CCDC9: variants seen among roughly 807,000 people sequenced by gnomAD.
CCDC9 encodes coiled-coil domain containing 9.
CCDC9 carries 52 observed loss-of-function variants against 65.6 expected under a neutral mutation model. That is an observed-to-expected ratio of 0.79 (90% CI 0.63 to 1.00). The LOEUF (loss-of-function observed/expected upper bound fraction) is 1.00. Among genes scored for constraint, CCDC9 ranks in the 50% least tolerant of loss-of-function variants. The pLI is 0.00. For synonymous variants in CCDC9, 332 were observed against 280.3 expected, an observed-to-expected ratio of 1.18 and a Z score of -1.84; for missense variants, 834 against 757.2, an observed-to-expected ratio of 1.10 and a Z score of -1.19.
At chr19:47,267,973 G>T (rs572887803) in intron 8 of CCDC9, among the ~76,000 whole-genome samples, 1 of 152,122 alleles carries the variant, frequency 6.6e-6, no homozygotes, top group Admixed American at 6.6e-5. Context: ...TCAGCCTCCT[G>T]AGTAGCTGGG....
chr19:47,271,129 C>A lies in CCDC9; in HGVS notation c.1133C>A (p.Ala378Asp), dbSNP rs920963923. 2 of 1,579,764 alleles carry A rather than the reference C, an allele frequency of 1.3e-6. No individual in the cohort carries two copies. Among genetic ancestry groups the A allele is most frequent in the Non-Finnish European group, 1.7e-6 (2 of 1,164,664 alleles). Residue 378 changes from alanine (A) to aspartate (D), a missense_variant, in exon 11 of 12, where the codon GCC becomes GAC. By Grantham distance (126) the Ala-to-Asp change is moderately radical. Coordinates refer to ENST00000221922, the MANE Select transcript of CCDC9 (RefSeq NM_015603.3). ...WETKEGAASP[A>D]PETPQPTSPE... ...ACAAAAGAAGGGGCAGCATCCCCAGCCCCTGAGACTCCACAGCCTACTTCC... is the reference window on the plus strand; with the variant it reads ...ACAAAAGAAGGGGCAGCATCCCCAGACCCTGAGACTCCACAGCCTACTTCC...
Position 47,271,160 on chromosome 19 carries a change from G to C in CCDC9, c.1164G>C (p.Glu388Asp). ...AGACTCCACAGCCTACTTCCCCCGA[G>C]ACTTCCCCCAAGGAGACACCCATGC... ...APETPQPTSPETSPKETPMQP... is the reference protein window; with the variant it reads ...APETPQPTSPDTSPKETPMQP... The change falls in exon 11 of 12, where the codon GAG (glutamate) becomes GAC (aspartate). Residue 388 changes from glutamate to aspartate, a missense_variant. Physicochemically the swap from Glu to Asp is conservative, Grantham distance 45. Transcript: ENST00000221922. 1 of 1,594,738 alleles carries C rather than the reference G, an allele frequency of 6.3e-7. No homozygotes were observed. The highest frequency in any genetic ancestry group is 1.1e-5 in the South Asian group (1 of 88,382).
At chr19:47,273,421 G>C (rs1470357466), downstream of CCDC9, 2 of 1,230,884 alleles carry the variant, frequency 1.6e-6, no homozygotes, top group African/African-American at 1.6e-5. Context: ...GTTTCTGCAA[G>C]GTGGTGGCGG....
chr19:47,273,732 C>T (rs1451945377), downstream of CCDC9: 2 of 357,036 alleles, frequency 5.6e-6, no homozygotes, highest in Non-Finnish European at 1.0e-5. Flanking sequence ...CCGAATCTCC[C>T]GCCTCCAGGA....
intron 1 of CCDC9, among the ~76,000 whole-genome samples, chr19:47,256,835 G>T (rs1466326410): frequency 1.3e-5 from 2 of 151,910 alleles, no homozygotes; most frequent in South Asian, 2.1e-4. Context: ...GCTGTGGGCG[G>T]GACCTAAAAG....
chr19:47,270,304 G>GTC (rs1055759660), intron 8 of CCDC9, 103 bp from the exon 9 acceptor site: 10 of 1,123,712 alleles, frequency 8.9e-6, no homozygotes, highest in Non-Finnish European at 1.3e-5. Context: ...CTGGTTGACC[G>GTC]TCTGTCTCTG....
intron 8 of CCDC9, among the ~76,000 whole-genome samples, chr19:47,270,091 C>T (rs60379489): frequency 0.33 from 50,506 of 151,550 alleles, 8,749 homozygotes; most frequent in East Asian, 0.6. Flanking sequence ...TCCTCAGCCT[C>T]CCGAGTAGCT....
chr19:47,258,098 A>G (rs1176093905), intron 1 of CCDC9: 14 of 496,822 alleles, frequency 2.8e-5, no homozygotes, highest in Non-Finnish European at 5.1e-5. Flanking sequence ...GGTGGGTTTG[A>G]CTAGATCGTT....
rs996267465 is a variant in CCDC9 at position 47,270,642 on chromosome 19, A to C, written c.1039A>C (p.Arg347=). 6.2e-7 allele frequency: 1 copy of C among 1,612,598 alleles called. No homozygotes were observed. Among genetic ancestry groups the C allele is most frequent in the Non-Finnish European group, 8.5e-7 (1 of 1,180,024 alleles). Residue 347 remains arginine (R), a synonymous_variant, in exon 10 of 12, where the codon AGA becomes CGA. Coordinates refer to ENST00000221922, the MANE Select transcript of CCDC9 (RefSeq NM_015603.3). ...AGCTGAGGCCAGCAGCCGCAGAAGG[A>C]GAAAGAGCAGTCGGCCCCAGGCCAA... is the stretch of plus-strand genomic sequence containing the variant. ...HKAEASSRRR[R]KSSRPQAKAA...
At chr19:47,269,191 G>A (rs2059100856) in intron 8 of CCDC9, among the ~76,000 whole-genome samples, 1 of 152,114 alleles carries the variant, frequency 6.6e-6, no homozygotes, top group African/African-American at 2.4e-5. Context: ...AGGTGATACA[G>A]CAGCAAACAA....
intron 7 of CCDC9, 170 bp from the exon 8 acceptor site, chr19:47,266,441 G>A (rs748428782): frequency 3.1e-6 from 3 of 967,122 alleles, no homozygotes; most frequent in Admixed American, 3.3e-5. Flanking sequence ...ATGCTACTTA[G>A]GAGATCTGAG....
At chr19:47,259,321 C>G (rs1052685386) in intron 3 of CCDC9, among the ~76,000 whole-genome samples, 1 of 152,162 alleles carries the variant, frequency 6.6e-6, no homozygotes, top group African/African-American at 2.4e-5. Flanking sequence ...CACTGGGGAG[C>G]CAGGGAGAGC....
At chr19:47,270,010 C>T (rs933220919) in intron 8 of CCDC9, among the ~76,000 whole-genome samples, 2 of 151,840 alleles carry the variant, frequency 1.3e-5, no homozygotes, top group African/African-American at 2.4e-5. Flanking sequence ...CCTCTGTCAC[C>T]CAGGCTCGAG....
chr19:47,273,892 T>G (rs903645617), downstream of CCDC9: 8 of 853,328 alleles, frequency 9.4e-6, no homozygotes, highest in South Asian at 4.3e-4. Flanking sequence ...GGCGGGCTTT[T>G]CTGTGGCGGA....
chr19:47,273,253 C>G (rs2059134709), downstream of CCDC9: 4 of 655,812 alleles, frequency 6.1e-6, no homozygotes, highest in Non-Finnish European at 8.7e-6. Flanking sequence ...GTGGCAAGGG[C>G]TCGAACTGGA....
intron 5 of CCDC9, among the ~76,000 whole-genome samples, chr19:47,263,471 G>A (rs995765381): frequency 2.0e-5 from 3 of 152,214 alleles, no homozygotes; most frequent in African/African-American, 4.8e-5. Context: ...GTGACAACAT[G>A]TGGCTTACCA....
downstream of CCDC9, among the ~76,000 whole-genome samples, chr19:47,272,963 C>T (rs752246785): frequency 7.3e-6 from 1 of 136,508 alleles, no homozygotes; most frequent in Non-Finnish European, 1.5e-5. Flanking sequence ...GAATAGCAGG[C>T]GTTGGCGAAG....
rs1490423909 is a variant in CCDC9 at position 47,264,858 on chromosome 19, A to ACCGCCGGGAGGAGAG, written c.640_654dup (p.Glu214_Arg218dup). ...GGGCCCCTGGAGGAGTCTGAGCGGGACCGCCGGGAGGAGAGCCGCCGGCAC... is the reference window on the plus strand; with the variant it reads ...GGGCCCCTGGAGGAGTCTGAGCGGGACCGCCGGGAGGAGAGCCGCCGGGAGGAGAGCCGCCGGCAC... On this transcript the variant is annotated inframe_insertion, in exon 7 of 12. Transcript: ENST00000221922. 2.0e-6 allele frequency: 3 copies of ACCGCCGGGAGGAGAG among 1,506,986 alleles called. No individual in the cohort carries two copies. The highest frequency in any genetic ancestry group is 2.3e-5 in the Admixed American group (1 of 43,458). 93.4% of individuals were successfully genotyped at this position (1,506,986 alleles called of 1,614,324 possible). A position where few individuals can be genotyped will look rare whatever the true frequency, so the allele number is the denominator to read the frequency against.
chr19:47,262,614 G>C (rs916144414), intron 5 of CCDC9, among the ~76,000 whole-genome samples: 5 of 152,168 alleles, frequency 3.3e-5, no homozygotes, highest in African/African-American at 1.2e-4. Context: ...TTCACAGGAA[G>C]GGGAAAGATA....
Sources: gnomAD v4.1 joint callset for allele counts (sites outside exome capture counted in the v4.1 genomes callset) on GRCh38, gnomAD v4.1.1 for gene constraint, MANE v1.5 for transcripts, NCBI Gene and HGNC (gene_info 2026-07-23, HGNC 2026-07-21) for gene names.